The following CROT variants were observed in gnomAD, a reference collection of about 807,000 sequenced individuals.
The protein encoded by CROT is peroxisomal carnitine O-octanoyltransferase.
In CROT, 84 loss-of-function variants were observed where a neutral mutation model predicts 89.2. The ratio of observed to expected loss-of-function variants is 0.94; its 90% CI spans 0.79 to 1.13. CROT has a LOEUF of 1.13. Ranked by LOEUF, CROT falls within the 50% of genes most tolerant of loss-of-function variation. The probability of loss-of-function intolerance (pLI) is 0.00; values close to 1 mark genes in which losing one functional copy is unlikely to be tolerated. For missense variants in CROT, 711 were observed against 727.8 expected, an observed-to-expected ratio of 0.98 and a Z score of 0.27; for synonymous variants, 212 against 239.5, an observed-to-expected ratio of 0.89 and a Z score of 1.06.
chr7:87,375,779 G>A (rs1298294526), intron 8 of CROT, 49 bp from the exon 9 acceptor site: 3 of 1,612,220 alleles, frequency 1.9e-6, no homozygotes, highest in Non-Finnish European at 2.5e-6. Flanking sequence ...CTCTTTTGAT[G>A]TATTGTATTT....
At chr7:87,377,011 A>C (rs2115950936) in intron 9 of CROT, among the ~76,000 whole-genome samples, 1 of 152,288 alleles carries the variant, frequency 6.6e-6, no homozygotes, top group Non-Finnish European at 1.5e-5. Context: ...TTTAATGACT[A>C]AACTTTTATC....
chr7:87,396,189 A>T (rs1277249196), intron 17 of CROT, among the ~76,000 whole-genome samples: 1 of 152,116 alleles, frequency 6.6e-6, no homozygotes, highest in Non-Finnish European at 1.5e-5. Context: ...AGCAGTTTGG[A>T]AGGCCAAGGT....
At chr7:87,385,788 T>C (rs1391893558) in intron 13 of CROT, among the ~76,000 whole-genome samples, 1 of 152,232 alleles carries the variant, frequency 6.6e-6, no homozygotes. Context: ...AATTTTTCCA[T>C]GTTCAGTATG....
At chr7:87,381,819 G>A (rs1212475739) in intron 10 of CROT, 91 bp from the exon 11 acceptor site, 1 of 828,730 alleles carries the variant, frequency 1.2e-6, no homozygotes. Context: ...TTTATTATCT[G>A]TTAAGAATGG....
In CROT at chr7:87,398,734, G is replaced by T; in HGVS notation, c.*90G>T. The T allele has an allele frequency of 8.1e-7, 1 of 1,236,332 alleles. No homozygotes were observed. Among genetic ancestry groups the T allele is most frequent in the Non-Finnish European group, 1.1e-6 (1 of 884,936 alleles). The allele number at this position is 1,236,332 out of a possible 1,614,324, so 76.6% of individuals were successfully genotyped here. ...GTAATATGAGATGGGAAGGAATGTT[G>T]ACTTGCTAACATTCCTTTAACAAGT... On this transcript the variant is annotated 3_prime_UTR_variant, in exon 18 of 18. Coordinates refer to ENST00000331536, the MANE Select transcript of CROT (RefSeq NM_021151.4).
intron 6 of CROT, among the ~76,000 whole-genome samples, chr7:87,364,785 G>A (rs1189305444): frequency 2.0e-5 from 3 of 152,174 alleles, no homozygotes; most frequent in African/African-American, 4.8e-5. Flanking sequence ...GATCAAAGAA[G>A]AGAGGCAATT....
chr7:87,361,916 G>C, intron 6 of CROT, 64 bp downstream of exon 6: 1 of 1,400,216 alleles, frequency 7.1e-7, no homozygotes, highest in Admixed American at 2.4e-5. Flanking sequence ...CTACTATGAC[G>C]TGATGGAACA....
At chr7:87,394,723 A>G (rs1305253720) in intron 17 of CROT, among the ~76,000 whole-genome samples, 1 of 152,146 alleles carries the variant, frequency 6.6e-6, no homozygotes, top group Non-Finnish European at 1.5e-5. Flanking sequence ...AAAAAGGCAT[A>G]CCTATAGACT....
chr7:87,391,952 T>A (rs1807373335), intron 14 of CROT, among the ~76,000 whole-genome samples: 1 of 152,184 alleles, frequency 6.6e-6, no homozygotes, highest in African/African-American at 2.4e-5. Context: ...TCTTCAGTAC[T>A]TTAGGTATTT....
At chr7:87,378,575 G>A (rs1806885487) in intron 10 of CROT, among the ~76,000 whole-genome samples, 1 of 152,176 alleles carries the variant, frequency 6.6e-6, no homozygotes, top group Non-Finnish European at 1.5e-5. Flanking sequence ...ACTGCCCAAT[G>A]TGATTGTTGT....
chr7:87,355,976 C>A (rs1271161789), intron 3 of CROT, among the ~76,000 whole-genome samples: 1 of 152,010 alleles, frequency 6.6e-6, no homozygotes, highest in African/African-American at 2.4e-5. Flanking sequence ...AATCATTCCA[C>A]AATTTTATTT....
At chr7:87,362,466 G>A (rs552995834) in intron 6 of CROT, among the ~76,000 whole-genome samples, 1 of 152,004 alleles carries the variant, frequency 6.6e-6, no homozygotes, top group East Asian at 1.9e-4. Context: ...CTGGCTAATT[G>A]TGTATTTTTT....
rs756855485 is a variant in CROT at position 87,369,478 on chromosome 7, T to G, written c.650T>G (p.Leu217Arg). Reference sequence around the variant, plus strand: ...GGATGTTTGGTCACCCCGCCAGAGCTTCTCAGGTTTTCAGACTACTTTCTT... The same window carrying G: ...GGATGTTTGGTCACCCCGCCAGAGCGTCTCAGGTTTTCAGACTACTTTCTT... ...HEGCLVTPPE[L>R]LRQLTYIHKK... The change falls in exon 7 of 18, where the codon CTT becomes CGT. Residue 217 changes from leucine (L) to arginine (R), a missense_variant. Coordinates refer to ENST00000331536, the MANE Select transcript of CROT (RefSeq NM_021151.4). 6.2e-7 allele frequency: 1 copy of G among 1,607,842 alleles called. No individual in the cohort carries two copies. The highest frequency in any genetic ancestry group is 8.5e-7 in the Non-Finnish European group (1 of 1,175,802).
chr7:87,349,106 C>A lies in CROT; in HGVS notation c.38C>A (p.Thr13Lys). The A allele has an allele frequency of 6.2e-7, 1 of 1,606,592 alleles. No homozygotes were observed. ...TTGGCTAAATCAACTGAAGAACGAACATTTCAGTACCAGGATTCTCTTCCA... is the reference window on the plus strand; with the variant it reads ...TTGGCTAAATCAACTGAAGAACGAAAATTTCAGTACCAGGATTCTCTTCCA... Reference protein sequence around the residue: ...NQLAKSTEERTFQYQDSLPSL... With the variant: ...NQLAKSTEERKFQYQDSLPSL... The change falls in exon 3 of 18, where the codon ACA (threonine) becomes AAA (lysine). Residue 13 changes from threonine to lysine, a missense_variant. Transcript: ENST00000331536.
At position 87,399,594 on chromosome 7, in the gene CROT, T is replaced by G. The variant is rs929186023; in HGVS notation, c.*950T>G. 1 of 152,250 alleles carries G rather than the reference T, an allele frequency of 6.6e-6. No homozygotes were observed. Among genetic ancestry groups the G allele is most frequent in the African/African-American group, 2.4e-5 (1 of 41,470 alleles). 9.4% of individuals were successfully genotyped at this position (152,250 alleles called of 1,614,324 possible). On this transcript the variant is annotated 3_prime_UTR_variant, in exon 18 of 18. Coordinates refer to ENST00000331536, the MANE Select transcript of CROT (RefSeq NM_021151.4). ...CGTAACAAAATTCATTGTGGTGTAT[T>G]ATAATTAGTTTTGTGAATAGAAAAA...
intron 14 of CROT, 62 bp downstream of exon 14, chr7:87,391,774 T>C (rs993247536): frequency 6.6e-7 from 1 of 1,517,858 alleles, no homozygotes; most frequent in African/African-American, 1.4e-5. Flanking sequence ...GGAACCGTGG[T>C]CTTTGAGTAA....
At chr7:87,366,426 C>T (rs1344999944) in intron 6 of CROT, among the ~76,000 whole-genome samples, 1 of 152,132 alleles carries the variant, frequency 6.6e-6, no homozygotes, top group African/African-American at 2.4e-5. Flanking sequence ...GCCCATTCCC[C>T]TTCATCTATT....
chr7:87,390,090 A>G (rs1050762371), intron 13 of CROT, among the ~76,000 whole-genome samples: 4 of 152,196 alleles, frequency 2.6e-5, no homozygotes, highest in Admixed American at 1.3e-4. Flanking sequence ...TCCTGATTGT[A>G]TTCCCATGGT....
chr7:87,389,628 G>A (rs539642681), intron 13 of CROT, among the ~76,000 whole-genome samples: 1 of 151,794 alleles, frequency 6.6e-6, no homozygotes, highest in Non-Finnish European at 1.5e-5. Flanking sequence ...GTCATGGGGT[G>A]GGGGGCTAGG....
Sources: gnomAD v4.1 joint callset for allele counts (sites outside exome capture counted in the v4.1 genomes callset) on GRCh38, gnomAD v4.1.1 for gene constraint, MANE v1.5 for transcripts, NCBI Gene and HGNC (gene_info 2026-07-23, HGNC 2026-07-21) for gene names.